Variants in MOK observed in about 807,000 individuals in gnomAD.
The protein encoded by MOK is MOK protein kinase, also known as MAPK/MAK/MRK overlapping kinase.
A neutral mutation model predicts 54.2 loss-of-function variants in MOK; 59 were observed. The observed-to-expected ratio is 1.09, with a 90% CI of 0.88 to 1.35. The LOEUF (loss-of-function observed/expected upper bound fraction) is 1.35, where lower values mean the gene tolerates loss of function less well. Ranked by LOEUF, MOK falls within the 40% of genes most tolerant of loss-of-function variation. The pLI, the probability that MOK is intolerant of heterozygous loss-of-function variation, is 0.00. For missense variants in MOK, 517 were observed against 526.2 expected (o/e 0.98, Z 0.17); for synonymous variants, 210 against 202.7 (o/e 1.04, Z -0.31).
intron 2 of MOK, among the ~76,000 whole-genome samples, chr14:102,275,911 A>AT (rs1003056035): frequency 3.9e-5 from 6 of 152,116 alleles, no homozygotes; most frequent in East Asian, 1.9e-4. Flanking sequence ...TTTTAAAATT[A>AT]TTTTTTCTTT....
rs1241227678 is a variant in MOK at position 102,235,327 on chromosome 14, A to G, written c.591-1538T>C. On this transcript the variant is annotated intron_variant, in intron 7 of 11. Coordinates refer to ENST00000361847, the MANE Select transcript of MOK (RefSeq NM_014226.3). This position sits in a 1 kb window ranked among gnomAD's most constrained non-coding sequence, Gnocchi z 4.4. ...CTTCTCCGATCCCGACACTTACATCAAATAATTTAAATATCTCACCCAGTC... is the reference window on the plus strand; with the variant it reads ...CTTCTCCGATCCCGACACTTACATCGAATAATTTAAATATCTCACCCAGTC... The G allele has an allele frequency of 2.0e-5, 3 of 152,238 alleles. No individual in the cohort carries two copies. The highest frequency in any genetic ancestry group is 4.4e-5 in the Non-Finnish European group (3 of 68,042). The allele number at this position is 152,238 out of a possible 1,614,324, so 9.4% of individuals were successfully genotyped here.
Position 102,231,742 on chromosome 14 carries a change from T to TGA in MOK, c.945_946insTC (p.Asn316SerfsTer17), listed in dbSNP as rs10659524. 3,269 of 1,612,230 alleles carry TGA rather than the reference T, an allele frequency of 2.0e-3. 53 individuals are homozygous for TGA. The African/African-American group carries it at 0.034, about 17-fold the overall frequency. On this transcript the variant is annotated frameshift_variant, in exon 10 of 12. Coordinates refer to ENST00000361847, the MANE Select transcript of MOK (RefSeq NM_014226.3). LOFTEE classifies it high-confidence loss of function. The surrounding 1 kb of genome is among the most constrained non-coding windows in gnomAD (Gnocchi z 4.4). ...CCCTCCTTGGAAATCTGGCAGCTGT[T>TGA]ACTGAGTGGTTCCGGTGCCACAGGG...
intron 1 of MOK, among the ~76,000 whole-genome samples, chr14:102,283,977 C>T (rs1009065189): frequency 1.3e-5 from 2 of 152,196 alleles, no homozygotes; most frequent in Admixed American, 6.5e-5. Context: ...TAAGGACCCT[C>T]CTGAAATTGA....
intron 2 of MOK, among the ~76,000 whole-genome samples, chr14:102,275,331 G>A (rs981571734): frequency 8.5e-5 from 13 of 152,200 alleles, no homozygotes; most frequent in Admixed American, 2.6e-4. Flanking sequence ...TTGGGAGGCC[G>A]AGGTGGGTGG....
Position 102,276,463 on chromosome 14 carries a change from C to T in MOK, c.122+7015G>A, listed in dbSNP as rs547685994. On this transcript the variant is annotated intron_variant, in intron 2 of 11. Transcript: ENST00000361847. ...GAGATAGCCAGCCTGGGTGATAGAGCGACACTCTGTCTCAAATAAATAAAT... is the reference window on the plus strand; with the variant it reads ...GAGATAGCCAGCCTGGGTGATAGAGTGACACTCTGTCTCAAATAAATAAAT... 5.3e-5 allele frequency among the ~76,000 whole-genome samples: 8 copies of T among 151,346 alleles called. No individual in the cohort carries two copies. In the East Asian group the frequency reaches 9.7e-4, roughly 18 times the overall value.
rs781623642 is a variant in MOK, at chr14:102,232,755, C to T, written c.693-47G>A. On this transcript the variant is annotated intron_variant, in intron 8 of 11. Coordinates refer to ENST00000361847, the MANE Select transcript of MOK (RefSeq NM_014226.3). The surrounding 1 kb of genome is among the most constrained non-coding windows in gnomAD (Gnocchi z 5.1). ...AATAAATGGTCATGCTGTCACTGAG[C>T]GCACCGGTGGTCCACTGTCACAACT... is the stretch of plus-strand genomic sequence containing the variant. 18 of 1,547,160 alleles carry T rather than the reference C, an allele frequency of 1.2e-5. No individual in the cohort carries two copies. The highest frequency in any genetic ancestry group is 1.7e-5 in the Admixed American group (1 of 58,130).
At chr14:102,300,320 T>C (rs2072027880) in intron 1 of MOK, among the ~76,000 whole-genome samples, 1 of 89,660 alleles carries the variant, frequency 1.1e-5, no homozygotes, top group African/African-American at 4.6e-5. Context: ...CAAAACTCTA[T>C]CTCAAAAAAA....
At chr14:102,297,933 G>GCTT (rs2071632995) in intron 1 of MOK, among the ~76,000 whole-genome samples, 1 of 152,206 alleles carries the variant, frequency 6.6e-6, no homozygotes, top group East Asian at 1.9e-4. Flanking sequence ...ACGAGGCAGG[G>GCTT]CTTCAGACCT....
chr14:102,233,510 TA>T, intron 8 of MOK, 177 bp downstream of exon 8: 1 of 590,218 alleles, frequency 1.7e-6, no homozygotes, highest in Non-Finnish European at 3.0e-6. Flanking sequence ...TGAGACCACT[TA>T]AAGTGATGGG....
intron 4 of MOK, among the ~76,000 whole-genome samples, chr14:102,257,356 C>G (rs1434673240): frequency 6.6e-6 from 1 of 152,010 alleles, no homozygotes; most frequent in African/African-American, 2.4e-5. Flanking sequence ...GCGTTGTCAG[C>G]GGCAGGGCCA....
At chr14:102,291,152 C>T (rs1567237767) in intron 1 of MOK, among the ~76,000 whole-genome samples, 1 of 152,160 alleles carries the variant, frequency 6.6e-6, no homozygotes, top group East Asian at 1.9e-4. Context: ...GAGCACGGTA[C>T]CATATCCCTT....
intron 2 of MOK, among the ~76,000 whole-genome samples, chr14:102,276,084 T>A (rs2068836817): frequency 6.6e-6 from 1 of 152,194 alleles, no homozygotes; most frequent in Non-Finnish European, 1.5e-5. Flanking sequence ...TACCATGAGA[T>A]AATTCCACAC....
intron 7 of MOK, among the ~76,000 whole-genome samples, chr14:102,237,465 A>T (rs1489648338): frequency 6.6e-6 from 1 of 152,162 alleles, no homozygotes; most frequent in Non-Finnish European, 1.5e-5. Flanking sequence ...CCAAAAGCGA[A>T]GTTCTTTCCT....
chr14:102,291,001 C>A (rs145958556), intron 1 of MOK, among the ~76,000 whole-genome samples: 1 of 152,068 alleles, frequency 6.6e-6, no homozygotes, highest in African/African-American at 2.4e-5. Context: ...CCAAGTTTTC[C>A]CTGAATAAAA....
At position 102,286,589 on chromosome 14, in the gene MOK, C is replaced by T. The variant is rs547273102; in HGVS notation, c.8-2997G>A. 3.3e-5 allele frequency among the ~76,000 whole-genome samples: 5 copies of T among 151,980 alleles called. No homozygotes were observed. The South Asian group carries it at 6.2e-4, about 19-fold the overall frequency. The stretch of plus-strand genomic sequence containing the variant: ...TCGCACTACTATACGCTAGCCTGGG[C>T]GACAGAGGGAGACCCTGTCTAAAAG... On this transcript the variant is annotated intron_variant, in intron 1 of 11. Coordinates refer to ENST00000361847, the MANE Select transcript of MOK (RefSeq NM_014226.3).
intron 2 of MOK, among the ~76,000 whole-genome samples, chr14:102,274,587 A>G (rs1405481495): frequency 2.0e-5 from 3 of 151,662 alleles, no homozygotes; most frequent in African/African-American, 7.3e-5. Flanking sequence ...TTGATGAGCT[A>G]TATTCCTAGA....
the MOK span, among the ~76,000 whole-genome samples, chr14:102,218,813 G>A: frequency 1.9e-4 from 29 of 152,216 alleles, no homozygotes; most frequent in African/African-American, 6.5e-4. Context: ...TCCTTTGCCT[G>A]ATGGCAACTG....
intron 4 of MOK, among the ~76,000 whole-genome samples, chr14:102,261,697 C>T (rs2067485034): frequency 6.6e-6 from 1 of 151,256 alleles, no homozygotes; most frequent in South Asian, 2.1e-4. Flanking sequence ...CCACGCCCGG[C>T]TAATTTGTTT....
rs1220529146 is a variant in MOK, at chr14:102,249,439, G to A, written c.590+1373C>T. On this transcript the variant is annotated intron_variant, in intron 7 of 11. Transcript: ENST00000361847. This position sits in a 1 kb window ranked among gnomAD's most constrained non-coding sequence, Gnocchi z 5.3. The stretch of plus-strand genomic sequence containing the variant: ...AGATTTTAAACCTGTGCTGGGCGCG[G>A]TGGCTCATGCCTGTAATCCCAGCAC... 6.6e-6 allele frequency among the ~76,000 whole-genome samples: 1 copy of A among 152,222 alleles called. No homozygotes were observed. The highest frequency in any genetic ancestry group is 1.5e-5 in the Non-Finnish European group (1 of 68,044).
Sources: gnomAD v4.1 joint callset for allele counts (sites outside exome capture counted in the v4.1 genomes callset) on GRCh38, gnomAD v4.1.1 for gene constraint, Gnocchi (gnomAD v3.1) non-coding constraint, MANE v1.5 for transcripts, NCBI Gene and HGNC (gene_info 2026-07-23, HGNC 2026-07-21) for gene names.